SHOX: variants seen among roughly 807,000 people sequenced by gnomAD.
SHOX encodes the protein SHOX homeobox, also known as short stature homeobox protein.
Under a neutral mutation model 29.6 loss-of-function variants are expected in SHOX, and 12 were observed. The ratio of observed to expected loss-of-function variants is 0.41; its 90% CI spans 0.26 to 0.66. The LOEUF (loss-of-function observed/expected upper bound fraction) is 0.66, where lower values mean the gene tolerates loss of function less well. Ranked by LOEUF, SHOX falls within the 30% of genes least tolerant of loss-of-function variation. SHOX has a pLI of 0.35. For missense variants in SHOX, 499 were observed against 437.7 expected, an observed-to-expected ratio of 1.14 and a Z score of -1.25; for synonymous variants, 214 against 200.6, an observed-to-expected ratio of 1.07 and a Z score of -0.57.
intron 1 of SHOX, among the ~76,000 whole-genome samples, chrX:624,753 T>C (rs1482852998): frequency 2.8e-5 from 4 of 143,330 alleles, no homozygotes; most frequent in African/African-American, 1.1e-4. Flanking sequence ...TTTCTTCCTT[T>C]CACTTGGCAA....
intron 1 of SHOX, among the ~76,000 whole-genome samples, chrX:633,222 T>A (rs1388853551): frequency 6.6e-6 from 1 of 151,818 alleles, no homozygotes; most frequent in Non-Finnish European, 1.5e-5. Flanking sequence ...GAACAGCGTG[T>A]CCCCGCCGAG....
At position 648,677 on chromosome X, in the gene SHOX, C is replaced by T. The variant is rs374385163; in HGVS notation, c.*4041C>T. 2.4e-4 allele frequency among the ~76,000 whole-genome samples: 37 copies of T among 152,172 alleles called. No individual in the cohort carries two copies. Among genetic ancestry groups the T allele is most frequent in the African/African-American group, 8.4e-4 (35 of 41,442 alleles). On this transcript the variant is annotated 3_prime_UTR_variant, in exon 5 of 5. Coordinates refer to ENST00000686671, the MANE Select transcript of SHOX (RefSeq NM_000451.4). The stretch of plus-strand genomic sequence containing the variant: ...CGCAGAGAACTGTGAGGGTGGGACA[C>T]GAGTGTCTGTGGACACTGGCTGCCT...
rs1171897625 is a variant in SHOX at position 650,017 on chromosome X, G to T, written c.*5381G>T. 10 of 455,870 alleles carry T rather than the reference G, an allele frequency of 2.2e-5. No individual in the cohort carries two copies. Among genetic ancestry groups the T allele is most frequent in the Non-Finnish European group, 3.5e-5 (8 of 226,806 alleles). The allele number at this position is 455,870 out of a possible 1,614,324, so 28.2% of individuals were successfully genotyped here. A position where few individuals can be genotyped will look rare whatever the true frequency, so the allele number is the denominator to read the frequency against. ...CTTTCTCCGTTCGAGTCTCTGACTG[G>T]TGCATACTTTGCAAAGGTGTGTTCC... On this transcript the variant is annotated 3_prime_UTR_variant, in exon 5 of 5. Coordinates refer to ENST00000686671, the MANE Select transcript of SHOX (RefSeq NM_000451.4).
chrX:631,890 G>A (rs749654637), intron 1 of SHOX: 7 of 456,020 alleles, frequency 1.5e-5, no homozygotes, highest in East Asian at 1.4e-4. Context: ...TTGTATTTAC[G>A]GTCACCCAGA....
chrX:637,092 C>A (rs1385479990), intron 2 of SHOX, among the ~76,000 whole-genome samples: 2 of 151,800 alleles, frequency 1.3e-5, no homozygotes, highest in East Asian at 3.9e-4. Flanking sequence ...GTCCCCAAAG[C>A]GATACAGCCC....
At chrX:626,923 CTG>C (rs1341043546), upstream of SHOX, among the ~76,000 whole-genome samples, 4 of 151,336 alleles carry the variant, frequency 2.6e-5, no homozygotes, top group African/African-American at 7.3e-5. Flanking sequence ...GTGTCTCTAC[CTG>C]TGTCTCTCTT....
downstream of SHOX, among the ~76,000 whole-genome samples, chrX:655,556 G>C (rs776645270): frequency 6.5e-5 from 8 of 122,550 alleles, no homozygotes; most frequent in Admixed American, 6.9e-4. Context: ...CAGCAAAAAG[G>C]ACTCTCTCTC....
At chrX:624,871 TTTC>T (rs769276936) in intron 1 of SHOX, among the ~76,000 whole-genome samples, 14,693 of 75,080 alleles carry the variant, frequency 0.2, 1,287 homozygotes, top group African/African-American at 0.46. Context: ...CTTTTCTTTC[TTTC>T]TTTCTTTCTT....
chrX:643,569 T>TTGGGGACCTGGTGTCCCGGGAGAGGCA, intron 4 of SHOX, among the ~76,000 whole-genome samples: 2 of 139,248 alleles, frequency 1.4e-5, no homozygotes, highest in African/African-American at 5.9e-5. Flanking sequence ...CGGGAGAGGC[T>TTGGGGACCTGGTGTCCCGGGAGAGGCA]TGGGGACCTG....
In SHOX at chrX:649,421, G is replaced by A. The variant is rs1037865623; in HGVS notation, c.*4785G>A. Among the ~76,000 whole-genome samples the A allele has an allele frequency of 2.9e-4, 44 of 152,144 alleles. No homozygotes were observed. Among genetic ancestry groups the A allele is most frequent in the Non-Finnish European group, 5.1e-4 (35 of 68,028 alleles). On this transcript the variant is annotated 3_prime_UTR_variant, in exon 5 of 5. Coordinates refer to ENST00000686671, the MANE Select transcript of SHOX (RefSeq NM_000451.4). ...GTGATGTGCGTGGGTTTGGTTTCCC[G>A]GAAGGCCCTCCAGAGACACGTTTGC...
intron 1 of SHOX, among the ~76,000 whole-genome samples, chrX:625,437 C>G (rs1276024799): frequency 6.6e-6 from 1 of 152,084 alleles, no homozygotes; most frequent in Admixed American, 6.6e-5. Flanking sequence ...TTCTCATCGG[C>G]TTGGTGTGCT....
rs767055071 is a variant in SHOX at position 631,194 on chromosome X, G to C, written c.277+20G>C. The C allele has an allele frequency of 9.9e-6, 16 of 1,612,038 alleles. No homozygotes were observed. The highest frequency in any genetic ancestry group is 1.2e-5 in the Non-Finnish European group (14 of 1,179,508). The stretch of plus-strand genomic sequence containing the variant: ...CAGAAGGTAAGTTCCTTTGCGCTCC[G>C]GCTCCAGGGGGGCCCTCCTGGGGTT... On this transcript the variant is annotated intron_variant, in intron 1 of 4. Coordinates refer to ENST00000686671, the MANE Select transcript of SHOX (RefSeq NM_000451.4).
Position 644,649 on chromosome X carries a change from C to A in SHOX, c.*13C>A. Reference sequence around the variant, plus strand: ...CCTGGGGCTCTGACCCGCCGCGCAGCCCCCCGCGCGCCCGGACTCCCGGGC... The same window carrying A: ...CCTGGGGCTCTGACCCGCCGCGCAGACCCCCGCGCGCCCGGACTCCCGGGC... On this transcript the variant is annotated 3_prime_UTR_variant, in exon 5 of 5. Coordinates refer to ENST00000686671, the MANE Select transcript of SHOX (RefSeq NM_000451.4). The A allele has an allele frequency of 6.9e-7, 1 of 1,446,234 alleles. No individual in the cohort carries two copies. Among genetic ancestry groups the A allele is most frequent in the Non-Finnish European group, 9.0e-7 (1 of 1,108,802 alleles). The allele number at this position is 1,446,234 out of a possible 1,614,324, so 89.6% of individuals were successfully genotyped here.
chrX:634,721 G>A lies in SHOX; in HGVS notation c.381G>A (p.Glu127=). Residue 127 remains glutamate, a synonymous_variant, in exon 2 of 5, where the codon GAG becomes GAA. Transcript: ENST00000686671. The stretch of plus-strand genomic sequence containing the variant: ...GCAGCCGCACCAACTTCACGCTGGA[G>A]CAGCTGAACGAGCTCGAGCGACTCT... The part of the protein sequence containing the change: ...QRRSRTNFTL[E]QLNELERLFD... 5 of 1,613,652 alleles carry A rather than the reference G, an allele frequency of 3.1e-6. No individual in the cohort carries two copies. Among genetic ancestry groups the A allele is most frequent in the Non-Finnish European group, 4.2e-6 (5 of 1,179,792 alleles).
intron 1 of SHOX, among the ~76,000 whole-genome samples, chrX:633,621 C>G (rs1353632059): frequency 3.3e-5 from 5 of 152,070 alleles, no homozygotes; most frequent in Non-Finnish European, 7.4e-5. Flanking sequence ...GCCTGTGCCC[C>G]TTTGAGACTG....
rs2053031752 is a variant in SHOX at position 650,101 on chromosome X, T to G, written c.*5465T>G. On this transcript the variant is annotated 3_prime_UTR_variant, in exon 5 of 5. Transcript: ENST00000686671. ...CTCTGGTGGCCGTTGGGGTGTTGTT[T>G]CACAGGCAGTGGTGACAGGGCCCCT... 2.3e-6 allele frequency: 1 copy of G among 442,430 alleles called. No homozygotes were observed. Among genetic ancestry groups the G allele is most frequent in the East Asian group, 7.0e-5 (1 of 14,338 alleles). 27.4% of individuals were successfully genotyped at this position (442,430 alleles called of 1,614,324 possible). A position where few individuals can be genotyped will look rare whatever the true frequency, so the allele number is the denominator to read the frequency against.
downstream of SHOX, among the ~76,000 whole-genome samples, chrX:653,448 T>C (rs761156527): frequency 6.6e-6 from 1 of 152,302 alleles, no homozygotes; most frequent in Non-Finnish European, 1.5e-5. Context: ...AGAAATAGCT[T>C]GTTGCCAATC....
At chrX:634,483 G>A (rs1277468433) in intron 1 of SHOX, 135 bp from the exon 2 acceptor site, 3 of 898,560 alleles carry the variant, frequency 3.3e-6, no homozygotes, top group African/African-American at 3.3e-5. Context: ...TTGCCTTATG[G>A]ACCCCACGCA....
Position 631,084 on chromosome X carries a change from G to A in SHOX, c.187G>A (p.Gly63Ser), listed in dbSNP as rs138243769. The A allele has an allele frequency of 5.0e-6, 8 of 1,613,642 alleles. No homozygotes were observed. In the East Asian group the frequency reaches 1.8e-4, roughly 36 times the overall value. ...DSSLQDITEGGGHCPVHLFKD... is the reference protein window; with the variant it reads ...DSSLQDITEGSGHCPVHLFKD... ...CAGCCTCCAGGACATCACGGAGGGC[G>A]GCGGCCACTGCCCGGTGCATTTGTT... The change falls in exon 1 of 5, where the codon GGC becomes AGC. Residue 63 changes from glycine (G) to serine (S), a missense_variant. By Grantham distance (56) the Gly-to-Ser change is moderately conservative. Transcript: ENST00000686671.
Sources: gnomAD v4.1 joint callset for allele counts (sites outside exome capture counted in the v4.1 genomes callset) on GRCh38, gnomAD v4.1.1 for gene constraint, MANE v1.5 for transcripts, NCBI Gene and HGNC (gene_info 2026-07-23, HGNC 2026-07-21) for gene names.